The following CLMN variants were observed in gnomAD, a reference collection of about 807,000 sequenced individuals.
The protein encoded by CLMN is calmin (calponin-like, transmembrane).
CLMN carries 57 observed loss-of-function variants against 92.7 expected under a neutral mutation model. The observed-to-expected ratio is 0.61, with a 90% CI of 0.50 to 0.77. The LOEUF is 0.77. Ranked by LOEUF, CLMN falls within the 30% of genes least tolerant of loss-of-function variation. The probability of loss-of-function intolerance (pLI) is 0.00; values close to 1 mark genes in which losing one functional copy is unlikely to be tolerated. For missense variants in CLMN, 1,158 were observed against 1,237.5 expected (o/e 0.94, Z 0.96); for synonymous variants, 466 against 470.6 (o/e 0.99, Z 0.13).
intron 4 of CLMN, among the ~76,000 whole-genome samples, chr14:95,217,179 C>A (rs192415194): frequency 2.6e-5 from 4 of 152,230 alleles, no homozygotes; most frequent in Non-Finnish European, 4.4e-5. Flanking sequence ...AGTCAAGATA[C>A]ACTATCAGGT....
intron 3 of CLMN, among the ~76,000 whole-genome samples, chr14:95,222,913 G>A (rs2058560779): frequency 1.3e-5 from 2 of 152,212 alleles, no homozygotes; most frequent in South Asian, 4.1e-4. Flanking sequence ...GACGCTCTGT[G>A]CTGGCTGAGC....
At chr14:95,197,592 GC>G (rs1199059459) in intron 9 of CLMN, among the ~76,000 whole-genome samples, 3 of 152,048 alleles carry the variant, frequency 2.0e-5, no homozygotes, top group Admixed American at 6.5e-5. Context: ...TTTTCAGGAT[GC>G]CATCTTCACT....
At chr14:95,280,345 G>C (rs1347317358) in intron 1 of CLMN, among the ~76,000 whole-genome samples, 1 of 152,164 alleles carries the variant, frequency 6.6e-6, no homozygotes, top group Non-Finnish European at 1.5e-5. Flanking sequence ...GTAAAATTTG[G>C]CTAGATTCTC....
chr14:95,288,175 C>A (rs1178538788), intron 1 of CLMN, among the ~76,000 whole-genome samples: 1 of 152,196 alleles, frequency 6.6e-6, no homozygotes, highest in Non-Finnish European at 1.5e-5. Context: ...CCACAGAAGA[C>A]CTGTATCCTA....
intron 1 of CLMN, among the ~76,000 whole-genome samples, chr14:95,257,855 G>A (rs997349285): frequency 6.6e-6 from 1 of 152,226 alleles, no homozygotes; most frequent in Non-Finnish European, 1.5e-5. Context: ...GAAGCCATGA[G>A]ACCAGAACTT....
chr14:95,311,187 G>C (rs576668297), intron 1 of CLMN, among the ~76,000 whole-genome samples: 1 of 152,298 alleles, frequency 6.6e-6, no homozygotes, highest in Non-Finnish European at 1.5e-5. Context: ...TCCACCACCA[G>C]ATTGGCAGGT....
At position 95,194,425 on chromosome 14, in the gene CLMN, T is replaced by C; in HGVS notation, c.2769+111A>G. The C allele has an allele frequency of 6.3e-7, 1 of 1,579,736 alleles. No individual in the cohort carries two copies. The highest frequency in any genetic ancestry group is 8.6e-7 in the Non-Finnish European group (1 of 1,161,872). On this transcript the variant is annotated intron_variant, in intron 11 of 12. Transcript: ENST00000298912. This position sits in a 1 kb window ranked among gnomAD's most constrained non-coding sequence, Gnocchi z 4.0. ...AATCTGCTTGTCTTCTATCCAAAAGTATAGCTGTTGCATGCCAGTAATTTC... is the reference window on the plus strand; with the variant it reads ...AATCTGCTTGTCTTCTATCCAAAAGCATAGCTGTTGCATGCCAGTAATTTC...
intron 1 of CLMN, among the ~76,000 whole-genome samples, chr14:95,274,384 T>A (rs1899840706): frequency 6.6e-6 from 1 of 152,128 alleles, no homozygotes; most frequent in African/African-American, 2.4e-5. Context: ...GGTATTCTTA[T>A]TACCACCCCT....
Position 95,203,062 on chromosome 14 carries a change from A to G in CLMN, c.2287T>C (p.Tyr763His), listed in dbSNP as rs1393500863. The G allele has an allele frequency of 1.2e-6, 2 of 1,613,990 alleles. No individual in the cohort carries two copies. The highest frequency in any genetic ancestry group is 1.7e-5 in the Admixed American group (1 of 60,008). The change falls in exon 9 of 13, where the codon TAT (tyrosine) becomes CAT (histidine). Residue 763 changes from tyrosine to histidine, a missense_variant. By Grantham distance (83) the Tyr-to-His change is moderately conservative. Coordinates refer to ENST00000298912, the MANE Select transcript of CLMN (RefSeq NM_024734.4). ...EEMDLEEPEG[Y>H]MPDLDSREEE... Reference sequence around the variant, plus strand: ...TCCCTGGAGTCCAGGTCTGGCATATAGCCCTCTGGCTCTTCGAGATCCATT... The same window carrying G: ...TCCCTGGAGTCCAGGTCTGGCATATGGCCCTCTGGCTCTTCGAGATCCATT...
At position 95,221,744 on chromosome 14, in the gene CLMN, T is replaced by C. The variant is rs777238697; in HGVS notation, c.271A>G (p.Ile91Val). The change falls in exon 4 of 13, where the codon ATT becomes GTT. Residue 91 changes from isoleucine (I) to valine (V), a missense_variant. Ile to Val is a conservative substitution (Grantham distance 29, BLOSUM62 3). Coordinates refer to ENST00000298912, the MANE Select transcript of CLMN (RefSeq NM_024734.4). The stretch of plus-strand genomic sequence containing the variant: ...TTCGCTATGTTGTTCAACCGAAAAA[T>C]ACGATGCGACGAGGATTTGTATTCG... ...LHEYKSSSHRIFRLNNIAKAL... is the reference protein window; with the variant it reads ...LHEYKSSSHRVFRLNNIAKAL... The C allele has an allele frequency of 1.2e-6, 2 of 1,614,108 alleles. No individual in the cohort carries two copies. Among genetic ancestry groups the C allele is most frequent in the Non-Finnish European group, 8.5e-7 (1 of 1,180,022 alleles).
At chr14:95,227,000 G>A (rs1017318635) in intron 2 of CLMN, among the ~76,000 whole-genome samples, 3 of 152,186 alleles carry the variant, frequency 2.0e-5, no homozygotes, top group African/African-American at 7.2e-5. Context: ...TGGGTACAGG[G>A]GAAGGCTGGG....
chr14:95,257,752 C>T lies in CLMN; in HGVS notation c.83-27619G>A, dbSNP rs567790705. Reference sequence around the variant, plus strand: ...CCTAGGCCTTGTCTCTGCCGCATCTCAGCACCCTGGTCCTCCCAGTCCCAG... The same window carrying T: ...CCTAGGCCTTGTCTCTGCCGCATCTTAGCACCCTGGTCCTCCCAGTCCCAG... On this transcript the variant is annotated intron_variant, in intron 1 of 12. Transcript: ENST00000298912. Among the ~76,000 whole-genome samples the T allele has an allele frequency of 5.3e-5, 8 of 152,380 alleles. No individual in the cohort carries two copies. In the South Asian group the frequency reaches 1.7e-3, roughly 32 times the overall value.
chr14:95,187,835 C>T lies in CLMN; in HGVS notation c.*3729G>A, dbSNP rs189610833. 2 of 152,316 alleles carry T rather than the reference C, an allele frequency of 1.3e-5. No homozygotes were observed. The highest frequency in any genetic ancestry group is 1.3e-4 in the Admixed American group (2 of 15,298). The allele number at this position is 152,316 out of a possible 1,614,324, so 9.4% of individuals were successfully genotyped here. A position where few individuals can be genotyped will look rare whatever the true frequency, so the allele number is the denominator to read the frequency against. On this transcript the variant is annotated 3_prime_UTR_variant, in exon 13 of 13. Transcript: ENST00000298912. The stretch of plus-strand genomic sequence containing the variant: ...AAAATCTAGCCTTTTCATTGTTCCT[C>T]GAGCATTGTCCAAGCTCAGAGCTGG...
In CLMN at chr14:95,204,325, T is replaced by C. The variant is rs1233475854; in HGVS notation, c.1024A>G (p.Thr342Ala). Residue 342 changes from threonine to alanine, a missense_variant, in exon 9 of 13, where the codon ACC becomes GCC. By Grantham distance (58) the Thr-to-Ala change is moderately conservative (BLOSUM62 0). Transcript: ENST00000298912. ...GERTYTVNHE[T>A]SHPPPSKVFV... ...ACTTTGGAGGGTGGTGGGTGGCTGGTTTCATGGTTAACAGTGTAGGTACGC... is the reference window on the plus strand; with the variant it reads ...ACTTTGGAGGGTGGTGGGTGGCTGGCTTCATGGTTAACAGTGTAGGTACGC... The C allele has an allele frequency of 3.1e-6, 5 of 1,613,752 alleles. No homozygotes were observed. The highest frequency in any genetic ancestry group is 4.2e-6 in the Non-Finnish European group (5 of 1,179,956).
chr14:95,247,026 T>C (rs1898600092), intron 1 of CLMN, among the ~76,000 whole-genome samples: 2 of 152,172 alleles, frequency 1.3e-5, no homozygotes, highest in Admixed American at 1.3e-4. Context: ...GATCAGGCTG[T>C]TAATGTCAGT....
Position 95,191,826 on chromosome 14 carries a change from TCC to T in CLMN, c.2841-96_2841-95del. 1.6e-6 allele frequency: 2 copies of T among 1,266,412 alleles called. No homozygotes were observed. Among genetic ancestry groups the T allele is most frequent in the Non-Finnish European group, 2.2e-6 (2 of 925,452 alleles). The allele number at this position is 1,266,412 out of a possible 1,614,324, so 78.4% of individuals were successfully genotyped here. On this transcript the variant is annotated intron_variant, in intron 12 of 12. Transcript: ENST00000298912. The surrounding 1 kb of genome is among the most constrained non-coding windows in gnomAD (Gnocchi z 5.3). ...CTACCCGTCTCTCCCCGGCCCCCAC[TCC>T]CCGCCTGAAGACCCGAAGGCTCCCC...
intron 9 of CLMN, among the ~76,000 whole-genome samples, chr14:95,198,269 C>T (rs537693641): frequency 1.8e-4 from 27 of 151,742 alleles, no homozygotes; most frequent in African/African-American, 5.8e-4. Flanking sequence ...AGGCTGGTCT[C>T]GAACTCTTGA....
intron 1 of CLMN, among the ~76,000 whole-genome samples, chr14:95,305,478 T>C (rs1199499018): frequency 6.6e-6 from 1 of 152,110 alleles, no homozygotes; most frequent in African/African-American, 2.4e-5. Flanking sequence ...GGTTAAAATA[T>C]GGAATGTAAA....
chr14:95,257,740 T>C (rs1899059039), intron 1 of CLMN, among the ~76,000 whole-genome samples: 3 of 152,252 alleles, frequency 2.0e-5, no homozygotes. Flanking sequence ...AGGCCTTGTC[T>C]CTGCCGCATC....
Sources: gnomAD v4.1 joint callset for allele counts (sites outside exome capture counted in the v4.1 genomes callset) on GRCh38, gnomAD v4.1.1 for gene constraint, Gnocchi (gnomAD v3.1) non-coding constraint, MANE v1.5 for transcripts, NCBI Gene and HGNC (gene_info 2026-07-23, HGNC 2026-07-21) for gene names.